Variants in PTPRG observed in about 807,000 individuals in gnomAD.
PTPRG encodes protein tyrosine phosphatase receptor type G.
PTPRG carries 102 observed loss-of-function variants against 165.3 expected under a neutral mutation model. The observed-to-expected ratio is 0.62, with a 90% confidence interval of 0.53 to 0.73. The LOEUF (loss-of-function observed/expected upper bound fraction) is 0.73, where lower values mean the gene tolerates loss of function less well. Among genes scored for constraint, PTPRG ranks in the 30% least tolerant of loss-of-function variants. The pLI is 0.00. For synonymous variants in PTPRG, 675 were observed against 669.5 expected, an observed-to-expected ratio of 1.01 and a Z score of -0.13; for missense variants, 1,866 against 1,861.4, an observed-to-expected ratio of 1.00 and a Z score of -0.05.
intron 2 of PTPRG, among the ~76,000 whole-genome samples, chr3:61,793,709 G>A (rs2034962095): frequency 6.6e-6 from 1 of 152,144 alleles, no homozygotes; most frequent in African/African-American, 2.4e-5. Flanking sequence ...ATTGGCAGAA[G>A]TCCAGTCCAG....
chr3:62,272,888 CCAAAGT>C, intron 21 of PTPRG, 52 bp from the exon 22 acceptor site: 1 of 1,442,522 alleles, frequency 6.9e-7, no homozygotes, highest in Non-Finnish European at 9.2e-7. Flanking sequence ...TTTTTCGAAT[CCAAAGT>C]TAACAGTATG....
intron 4 of PTPRG, among the ~76,000 whole-genome samples, chr3:62,019,420 G>A (rs1334676971): frequency 6.6e-6 from 1 of 151,890 alleles, no homozygotes; most frequent in Admixed American, 6.6e-5. Context: ...CTACTTGGGA[G>A]GCTGAGAAGG....
intron 2 of PTPRG, among the ~76,000 whole-genome samples, chr3:61,921,367 C>T (rs969804109): frequency 7.2e-5 from 11 of 152,072 alleles, no homozygotes; most frequent in African/African-American, 2.7e-4. Context: ...AAATAGCATG[C>T]TAAAATCTAG....
intron 2 of PTPRG, among the ~76,000 whole-genome samples, chr3:61,969,874 C>A (rs2107656867): frequency 6.6e-6 from 1 of 152,254 alleles, no homozygotes; most frequent in South Asian, 2.1e-4. Context: ...CACCCATGTC[C>A]TTTCTCAATC....
chr3:61,927,376 C>T (rs968696256), intron 2 of PTPRG, among the ~76,000 whole-genome samples: 5 of 152,018 alleles, frequency 3.3e-5, no homozygotes, highest in African/African-American at 9.7e-5. Context: ...CTCAAATGTC[C>T]CTTGAATTTC....
chr3:61,930,825 C>T (rs1264647761), intron 2 of PTPRG, among the ~76,000 whole-genome samples: 3 of 152,132 alleles, frequency 2.0e-5, no homozygotes, highest in Admixed American at 1.3e-4. Flanking sequence ...TTTGGGAGGC[C>T]GAGGCCGGTG....
chr3:61,808,710 A>G (rs949483515), intron 2 of PTPRG, among the ~76,000 whole-genome samples: 6 of 152,060 alleles, frequency 3.9e-5, no homozygotes, highest in African/African-American at 1.4e-4. Flanking sequence ...ATAATACTGA[A>G]TTAAACTCCT....
intron 2 of PTPRG, among the ~76,000 whole-genome samples, chr3:61,813,543 CTGTGTGTGTGTGTGTGTGTGTGTGTGTG>C (rs58097355): frequency 3.4e-5 from 4 of 116,880 alleles, no homozygotes; most frequent in Admixed American, 1.8e-4. Context: ...AAAAGAAAAT[CTGTGTGTGTGTGTGTGTGTGTGTGTGTG>C]TGTGTGTGTG....
chr3:62,028,212 G>T (rs1699635993), intron 4 of PTPRG, among the ~76,000 whole-genome samples: 1 of 152,130 alleles, frequency 6.6e-6, no homozygotes, highest in Non-Finnish European at 1.5e-5. Flanking sequence ...TTTTTGAAAG[G>T]TATGCATTTT....
At chr3:62,021,640 C>T (rs2041693940) in intron 4 of PTPRG, among the ~76,000 whole-genome samples, 1 of 152,090 alleles carries the variant, frequency 6.6e-6, no homozygotes, top group South Asian at 2.1e-4. Flanking sequence ...GTGCGCTTGT[C>T]TACCTTTACC....
intron 20 of PTPRG, among the ~76,000 whole-genome samples, chr3:62,270,984 G>A (rs892406052): frequency 1.3e-5 from 2 of 152,116 alleles, no homozygotes; most frequent in African/African-American, 4.8e-5. Flanking sequence ...GGTCCAGCCT[G>A]GACAGTGGAG....
At chr3:62,174,229 C>T (rs113661493) in intron 8 of PTPRG, among the ~76,000 whole-genome samples, 11 of 152,290 alleles carry the variant, frequency 7.2e-5, no homozygotes, top group African/African-American at 2.2e-4. Flanking sequence ...ACTTTCCTTC[C>T]AACAACATGA....
At chr3:62,293,075 C>G in intron 29 of PTPRG, 86 bp from the exon 30 acceptor site, 1 of 1,183,846 alleles carries the variant, frequency 8.4e-7, no homozygotes, top group Non-Finnish European at 1.2e-6. Context: ...GTGTTTTTCA[C>G]AATTACCATT....
At chr3:61,863,322 G>A (rs1466064079) in intron 2 of PTPRG, among the ~76,000 whole-genome samples, 11 of 152,192 alleles carry the variant, frequency 7.2e-5, no homozygotes, top group Admixed American at 7.2e-4. Flanking sequence ...GTTCATGAGA[G>A]CATTTAGGTG....
Position 62,273,971 on chromosome 3 carries a change from C to A in PTPRG, c.3465+127C>A. On this transcript the variant is annotated intron_variant, in intron 23 of 29. Coordinates refer to ENST00000474889, the MANE Select transcript of PTPRG (RefSeq NM_002841.4). This position sits in a 1 kb window ranked among gnomAD's most constrained non-coding sequence, Gnocchi z 4.1. ...TGGATTACTATTTGTACTCCTTGTA[C>A]TCCTTAAATGTGATGAAAAAGAAAA... is the stretch of plus-strand genomic sequence containing the variant. The A allele has an allele frequency of 1.1e-6, 1 of 916,094 alleles. No individual in the cohort carries two copies. Among genetic ancestry groups the A allele is most frequent in the Non-Finnish European group, 1.6e-6 (1 of 612,398 alleles). The allele number at this position is 916,094 out of a possible 1,614,324, so 56.7% of individuals were successfully genotyped here.
intron 2 of PTPRG, among the ~76,000 whole-genome samples, chr3:61,914,195 T>G (rs1204541130): frequency 6.6e-6 from 1 of 152,198 alleles, no homozygotes. Flanking sequence ...CTTTTTGACT[T>G]CTTTGACCTA....
At chr3:62,055,041 T>C (rs905695828) in intron 4 of PTPRG, among the ~76,000 whole-genome samples, 1 of 152,220 alleles carries the variant, frequency 6.6e-6, no homozygotes, top group African/African-American at 2.4e-5. Flanking sequence ...TAGGAGTTTT[T>C]CAGGTAGAAT....
At chr3:61,791,432 G>A (rs2034864222) in intron 2 of PTPRG, among the ~76,000 whole-genome samples, 1 of 152,182 alleles carries the variant, frequency 6.6e-6, no homozygotes, top group South Asian at 2.1e-4. Context: ...ACCTGTTTGA[G>A]GCAAGAGTTG....
intron 26 of PTPRG, among the ~76,000 whole-genome samples, chr3:62,280,742 G>A (rs1356478138): frequency 6.6e-6 from 1 of 151,966 alleles, no homozygotes; most frequent in Non-Finnish European, 1.5e-5. Flanking sequence ...TCAACACCTC[G>A]TAAAGATATT....
Sources: gnomAD v4.1 joint callset for allele counts (sites outside exome capture counted in the v4.1 genomes callset) on GRCh38, gnomAD v4.1.1 for gene constraint, Gnocchi (gnomAD v3.1) non-coding constraint, MANE v1.5 for transcripts, NCBI Gene and HGNC (gene_info 2026-07-23, HGNC 2026-07-21) for gene names.